The following DCLK1 variants were observed in gnomAD, a reference collection of about 807,000 sequenced individuals.
DCLK1 encodes the protein serine/threonine-protein kinase DCLK1.
A neutral mutation model predicts 86.2 loss-of-function variants in DCLK1; 16 were observed. That is an observed-to-expected ratio of 0.19 (90% CI 0.13 to 0.28). The LOEUF (loss-of-function observed/expected upper bound fraction) is 0.28, where lower values mean the gene tolerates loss of function less well. Among genes scored for constraint, DCLK1 ranks in the 10% least tolerant of loss-of-function variants. The pLI is 1.00. For synonymous variants in DCLK1, 369 were observed against 370.5 expected, an observed-to-expected ratio of 1.00 and a Z score of 0.05; for missense variants, 590 against 940.2, an observed-to-expected ratio of 0.63 and a Z score of 4.87.
At chr13:36,025,271 C>G (rs1881984582) in intron 3 of DCLK1, among the ~76,000 whole-genome samples, 1 of 152,062 alleles carries the variant, frequency 6.6e-6, no homozygotes, top group Non-Finnish European at 1.5e-5. Context: ...CCCAGCTGGT[C>G]AATTGATTTT....
chr13:35,873,705 A>C, intron 4 of DCLK1, among the ~76,000 whole-genome samples: 1 of 152,156 alleles, frequency 6.6e-6, no homozygotes, highest in East Asian at 1.9e-4. Flanking sequence ...ACTTTTATAG[A>C]CAATGAGTGG....
intron 3 of DCLK1, among the ~76,000 whole-genome samples, chr13:35,981,342 A>C (rs1879628946): frequency 6.6e-6 from 1 of 151,850 alleles, no homozygotes; most frequent in Non-Finnish European, 1.5e-5. Context: ...TTTTTAAGGG[A>C]AATTTTAGTA....
intron 3 of DCLK1, among the ~76,000 whole-genome samples, chr13:36,045,227 C>T (rs1882837908): frequency 1.4e-5 from 2 of 145,492 alleles, no homozygotes; most frequent in Admixed American, 6.9e-5. Context: ...CAGCCATCTA[C>T]CCATGCTCTA....
At chr13:36,003,736 A>G (rs1420789647) in intron 3 of DCLK1, among the ~76,000 whole-genome samples, 2 of 152,192 alleles carry the variant, frequency 1.3e-5, no homozygotes, top group Admixed American at 6.5e-5. Context: ...ACAACACAAA[A>G]CAACTTGTAC....
At chr13:35,853,772 G>A (rs556565965) in intron 6 of DCLK1, among the ~76,000 whole-genome samples, 3 of 152,048 alleles carry the variant, frequency 2.0e-5, no homozygotes, top group Non-Finnish European at 4.4e-5. Context: ...AGGGCCTTCC[G>A]TTTTTGGCAT....
At chr13:35,965,377 G>A (rs1045927469) in intron 3 of DCLK1, among the ~76,000 whole-genome samples, 11 of 152,186 alleles carry the variant, frequency 7.2e-5, no homozygotes, top group African/African-American at 2.2e-4. Context: ...TCTTTGACTC[G>A]AATTTAACTG....
intron 3 of DCLK1, among the ~76,000 whole-genome samples, chr13:36,034,468 G>A (rs763743412): frequency 6.6e-6 from 1 of 152,004 alleles, no homozygotes; most frequent in Non-Finnish European, 1.5e-5. Flanking sequence ...TAGAAGTGAC[G>A]TGCATTCCTT....
chr13:36,050,372 T>C (rs1883079616), intron 3 of DCLK1, among the ~76,000 whole-genome samples: 1 of 152,110 alleles, frequency 6.6e-6, no homozygotes, highest in African/African-American at 2.4e-5. Flanking sequence ...AACACAGCCA[T>C]AGTGTACTAC....
At chr13:36,041,041 A>C (rs1882685045) in intron 3 of DCLK1, among the ~76,000 whole-genome samples, 1 of 152,114 alleles carries the variant, frequency 6.6e-6, no homozygotes, top group Non-Finnish European at 1.5e-5. Flanking sequence ...CATTTTTCCA[A>C]GGACCTCTGT....
chr13:35,942,315 T>C (rs1012524896), intron 4 of DCLK1, among the ~76,000 whole-genome samples: 7 of 152,060 alleles, frequency 4.6e-5, no homozygotes, highest in East Asian at 3.9e-4. Flanking sequence ...TACAGGTGCA[T>C]GCCACCACAC....
chr13:36,096,205 G>T (rs1327888236), intron 3 of DCLK1, among the ~76,000 whole-genome samples: 1 of 152,162 alleles, frequency 6.6e-6, no homozygotes, highest in Non-Finnish European at 1.5e-5. Context: ...ACTAACCTCA[G>T]AACTATGCCT....
intron 4 of DCLK1, among the ~76,000 whole-genome samples, chr13:35,881,305 G>C (rs1197618618): frequency 6.6e-6 from 1 of 152,164 alleles, no homozygotes; most frequent in African/African-American, 2.4e-5. Context: ...TTCCAACTTA[G>C]CACCAACTAG....
intron 3 of DCLK1, among the ~76,000 whole-genome samples, chr13:36,002,579 T>C (rs1012550756): frequency 6.6e-6 from 1 of 152,212 alleles, no homozygotes; most frequent in African/African-American, 2.4e-5. Flanking sequence ...AATTGAAGTA[T>C]AGTTTTATAT....
At chr13:35,861,655 C>G (rs1013887825) in intron 5 of DCLK1, among the ~76,000 whole-genome samples, 4 of 152,152 alleles carry the variant, frequency 2.6e-5, no homozygotes, top group African/African-American at 9.7e-5. Flanking sequence ...CGTCCTTCAT[C>G]TCAAAACTTT....
At chr13:36,130,095 G>C (rs909529980) in intron 1 of DCLK1, among the ~76,000 whole-genome samples, 1 of 152,102 alleles carries the variant, frequency 6.6e-6, no homozygotes, top group Admixed American at 6.5e-5. Flanking sequence ...TTCCAGGCCC[G>C]TGCACCACCA....
At chr13:35,901,306 G>A (rs1055124833) in intron 4 of DCLK1, among the ~76,000 whole-genome samples, 1 of 151,874 alleles carries the variant, frequency 6.6e-6, no homozygotes, top group Middle Eastern at 3.2e-3. Flanking sequence ...GGCCAACATG[G>A]TGAAATCCAA....
intron 3 of DCLK1, among the ~76,000 whole-genome samples, chr13:36,101,760 A>G (rs909525557): frequency 6.6e-6 from 1 of 151,376 alleles, no homozygotes; most frequent in African/African-American, 2.4e-5. Context: ...TTCTTTTGAG[A>G]CAGAGTCTCA....
At chr13:35,812,905 C>T (rs1323721864) in intron 11 of DCLK1, among the ~76,000 whole-genome samples, 2 of 152,324 alleles carry the variant, frequency 1.3e-5, no homozygotes, top group East Asian at 3.9e-4. Context: ...CTTAATGAAG[C>T]AGCTGTCCAG....
intron 8 of DCLK1, among the ~76,000 whole-genome samples, chr13:35,829,643 C>T (rs77528059): frequency 0.038 from 5,797 of 152,240 alleles, 171 homozygotes; most frequent in East Asian, 0.11. Context: ...TCTTCCATGA[C>T]ACTTCCAGGC....
Sources: allele counts gnomAD v4.1 joint callset (sites outside exome capture counted in the v4.1 genomes callset), GRCh38; gene constraint gnomAD v4.1.1; transcripts MANE v1.5; gene names NCBI Gene and HGNC (gene_info 2026-07-23, HGNC 2026-07-21).